Variants in TRAPPC4 observed in about 807,000 individuals in gnomAD.
TRAPPC4 encodes trafficking protein particle complex subunit 4.
TRAPPC4 carries 30 observed loss-of-function variants against 23.5 expected under a neutral mutation model. That is an observed-to-expected ratio of 1.28 (90% CI 0.96 to 1.73). The LOEUF (loss-of-function observed/expected upper bound fraction) is 1.73, where lower values mean the gene tolerates loss of function less well. TRAPPC4 is among the 40% of genes most tolerant of loss of function. The pLI, the probability that TRAPPC4 is intolerant of heterozygous loss-of-function variation, is 0.00. For synonymous variants in TRAPPC4, 129 were observed against 105.3 expected (o/e 1.23, Z -1.38); for missense variants, 252 against 268.9 (o/e 0.94, Z 0.44).
intron 3 of TRAPPC4, 176 bp downstream of exon 3, chr11:119,020,429 CTTT>C (rs199734981): frequency 5.5e-6 from 2 of 360,428 alleles, no homozygotes; most frequent in African/African-American, 2.5e-5. Flanking sequence ...TGGCACAATT[CTTT>C]TTTTTTTTGA....
chr11:119,023,231 T>TA (rs1377801361), intron 4 of TRAPPC4, 90 bp from the exon 5 acceptor site: 1 of 1,241,262 alleles, frequency 8.1e-7, no homozygotes, highest in Non-Finnish European at 1.2e-6. Flanking sequence ...TTCCATGATA[T>TA]ATGTTGTTCT....
At chr11:119,021,485 T>C (rs1374375683) in intron 3 of TRAPPC4, 4 of 290,150 alleles carry the variant, frequency 1.4e-5, no homozygotes, top group African/African-American at 6.5e-5. Context: ...CCTGGCAATG[T>C]TTCTGCTGAG....
rs1943451717 is a variant in TRAPPC4 at position 119,023,382 on chromosome 11, T to G, written c.643T>G (p.Phe215Val). The change falls in exon 5 of 5, where the codon TTT (phenylalanine) becomes GTT (valine). Residue 215 changes from phenylalanine (F) to valine (V), a missense_variant. Physicochemically the swap from Phe to Val is conservative, Grantham distance 50 (BLOSUM62 -1). Coordinates refer to ENST00000533632, the MANE Select transcript of TRAPPC4 (RefSeq NM_016146.6). Reference sequence around the variant, plus strand: ...GGAGGTGGCAGAGAAGGCTGGAACTTTTGGACCTGGGTCATAGGCTGAACC... The same window carrying G: ...GGAGGTGGCAGAGAAGGCTGGAACTGTTGGACCTGGGTCATAGGCTGAACC... ...ALEVAEKAGT[F>V]GPGS 2 of 1,614,074 alleles carry G rather than the reference T, an allele frequency of 1.2e-6. No individual in the cohort carries two copies. The highest frequency in any genetic ancestry group is 4.5e-5 in the East Asian group (2 of 44,872).
At position 119,023,559 on chromosome 11, in the gene TRAPPC4, C is replaced by T; in HGVS notation, c.*160C>T. 2 of 629,278 alleles carry T rather than the reference C, an allele frequency of 3.2e-6. No homozygotes were observed. Among genetic ancestry groups the T allele is most frequent in the Admixed American group, 5.4e-5 (2 of 36,876 alleles). 39.0% of individuals were successfully genotyped at this position (629,278 alleles called of 1,614,324 possible). ...CTGATTCCTGAGCCTTAACACTGTG[C>T]TCTTTCCTTCTGTATATACCATGGT... On this transcript the variant is annotated 3_prime_UTR_variant, in exon 5 of 5. Transcript: ENST00000533632.
At chr11:119,022,231 G>A (rs922899835) in intron 4 of TRAPPC4, among the ~76,000 whole-genome samples, 2 of 152,144 alleles carry the variant, frequency 1.3e-5, no homozygotes, top group Non-Finnish European at 1.5e-5. Flanking sequence ...TGATCCACCT[G>A]CCTTGGCCTC....
Position 119,023,465 on chromosome 11 carries a change from C to A in TRAPPC4, c.*66C>A. ...CAACAAGAATACTGCTGTTGACACTCCAGTGGAAATCCCAGCAGCCTTGTT... is the reference window on the plus strand; with the variant it reads ...CAACAAGAATACTGCTGTTGACACTACAGTGGAAATCCCAGCAGCCTTGTT... On this transcript the variant is annotated 3_prime_UTR_variant, in exon 5 of 5. Coordinates refer to ENST00000533632, the MANE Select transcript of TRAPPC4 (RefSeq NM_016146.6). The A allele has an allele frequency of 6.7e-7, 1 of 1,485,516 alleles. No individual in the cohort carries two copies. Among genetic ancestry groups the A allele is most frequent in the Non-Finnish European group, 9.4e-7 (1 of 1,064,212 alleles). 92.0% of individuals were successfully genotyped at this position (1,485,516 alleles called of 1,614,324 possible). A position where few individuals can be genotyped will look rare whatever the true frequency, so the allele number is the denominator to read the frequency against.
In TRAPPC4 at chr11:119,019,955, G is replaced by A; in HGVS notation, c.351-195G>A. ...CAAAGTTTTAGATGTAAAATGTCTTGTAACAAAGTATGAATGTAAAATATT... is the reference window on the plus strand; with the variant it reads ...CAAAGTTTTAGATGTAAAATGTCTTATAACAAAGTATGAATGTAAAATATT... On this transcript the variant is annotated intron_variant, in intron 2 of 4. Transcript: ENST00000533632. The A allele has an allele frequency of 7.9e-6, 4 of 509,532 alleles. No individual in the cohort carries two copies. The South Asian group carries it at 1.1e-4, about 14-fold the overall frequency. 31.6% of individuals were successfully genotyped at this position (509,532 alleles called of 1,614,324 possible).
rs527923573 is a variant in TRAPPC4 at position 119,018,986 on chromosome 11, G to C, written c.175+16G>C. On this transcript the variant is annotated intron_variant, in intron 1 of 4. Coordinates refer to ENST00000533632, the MANE Select transcript of TRAPPC4 (RefSeq NM_016146.6). ...GGCATCCGAGGTGGGCTAGGCTCGGGCCCGTGGCGGGTGCGGGGGTGGGAG... is the reference window on the plus strand; with the variant it reads ...GGCATCCGAGGTGGGCTAGGCTCGGCCCCGTGGCGGGTGCGGGGGTGGGAG... 1 of 1,607,880 alleles carries C rather than the reference G, an allele frequency of 6.2e-7. No homozygotes were observed. The highest frequency in any genetic ancestry group is 1.1e-5 in the South Asian group (1 of 91,000).
chr11:119,019,197 C>G lies in TRAPPC4; in HGVS notation c.230C>G (p.Ala77Gly). The change falls in exon 2 of 5, where the codon GCC becomes GGC. Residue 77 changes from alanine to glycine, a missense_variant. Ala to Gly is a moderately conservative substitution (Grantham distance 60, BLOSUM62 0). Transcript: ENST00000533632. ...ATGGACGTGAATGGCAGGTACACGG[C>G]CGACGGGAAAGAGGTGCTGGAGTAT... Reference protein sequence around the residue: ...NGMDVNGRYTADGKEVLEYLG... With the variant: ...NGMDVNGRYTGDGKEVLEYLG... 6.2e-7 allele frequency: 1 copy of G among 1,614,186 alleles called. No homozygotes were observed. The highest frequency in any genetic ancestry group is 8.5e-7 in the Non-Finnish European group (1 of 1,180,030).
chr11:119,020,358 T>C (rs1373040250), intron 3 of TRAPPC4, 105 bp downstream of exon 3: 2 of 882,014 alleles, frequency 2.3e-6, no homozygotes, highest in Non-Finnish European at 3.6e-6. Context: ...GTGGAGAAGG[T>C]GGGAGGAGGG....
In TRAPPC4 at chr11:119,023,229, T is replaced by C. The variant is rs1021283695; in HGVS notation, c.582-92T>C. ...ATCCGCCCACCTCAGCCTTCCATGA[T>C]ATATGTTGTTCTTCAAGCAGTTTCC... On this transcript the variant is annotated intron_variant, in intron 4 of 4. Transcript: ENST00000533632. 4.1e-5 allele frequency: 49 copies of C among 1,208,138 alleles called. 1 individual carries two copies. Among genetic ancestry groups the C allele is most frequent in the Non-Finnish European group, 5.9e-5 (48 of 817,418 alleles). 74.8% of individuals were successfully genotyped at this position (1,208,138 alleles called of 1,614,324 possible).
chr11:119,023,105 C>T (rs1034653309), intron 4 of TRAPPC4: 2 of 403,732 alleles, frequency 5.0e-6, no homozygotes, highest in African/African-American at 4.0e-5. Flanking sequence ...GCTGGGATTA[C>T]AGGCACCTGC....
rs1405281359 is a variant in TRAPPC4, at chr11:119,019,147, TCATGCAGTGCTGGC to T, written c.184_197del (p.Ala62GlnfsTer22). On this transcript the variant is annotated frameshift_variant, in exon 2 of 5. Coordinates refer to ENST00000533632, the MANE Select transcript of TRAPPC4 (RefSeq NM_016146.6). LOFTEE classifies it high-confidence loss of function. The stretch of plus-strand genomic sequence containing the variant: ...CCGTTAGCTTCACCTCTGCAGTGGG[TCATGCAGTGCTGGC>T]CATCAATGGCATGGACGTGAATGGC... 6.2e-7 allele frequency: 1 copy of T among 1,614,008 alleles called. No homozygotes were observed. Among genetic ancestry groups the T allele is most frequent in the East Asian group, 2.2e-5 (1 of 44,884 alleles).
chr11:119,020,407 G>C (rs375969439), intron 3 of TRAPPC4, 154 bp downstream of exon 3: 3 of 598,464 alleles, frequency 5.0e-6, no homozygotes, highest in Admixed American at 2.8e-5. Flanking sequence ...AGAAGAGGGG[G>C]TGTGCTTTTC....
At position 119,020,149 on chromosome 11, in the gene TRAPPC4, G is replaced by A. The variant is rs1943309644; in HGVS notation, c.351-1G>A. ...AGCAACTTTGCCTCCTTTGCATATAGGCTCTTTGCCATCGGCTCCCAGCTG... is the reference window on the plus strand; with the variant it reads ...AGCAACTTTGCCTCCTTTGCATATAAGCTCTTTGCCATCGGCTCCCAGCTG... On this transcript the variant is annotated splice_acceptor_variant, in intron 2 of 4. Coordinates refer to ENST00000533632, the MANE Select transcript of TRAPPC4 (RefSeq NM_016146.6). LOFTEE classifies it high-confidence loss of function. 3.1e-6 allele frequency: 5 copies of A among 1,613,078 alleles called. No homozygotes were observed. Among genetic ancestry groups the A allele is most frequent in the Non-Finnish European group, 4.2e-6 (5 of 1,179,456 alleles).
At chr11:119,019,575 G>A (rs1943280199) in intron 2 of TRAPPC4, 1 of 426,962 alleles carries the variant, frequency 2.3e-6, no homozygotes, top group African/African-American at 2.1e-5. Flanking sequence ...CCGAGTAGCT[G>A]GGATTACAGG....
chr11:119,023,231 T>G, intron 4 of TRAPPC4, 90 bp from the exon 5 acceptor site: 1 of 1,241,380 alleles, frequency 8.1e-7, no homozygotes, highest in Non-Finnish European at 1.2e-6. Flanking sequence ...TTCCATGATA[T>G]ATGTTGTTCT....
At chr11:119,023,174 A>T in intron 4 of TRAPPC4, 147 bp from the exon 5 acceptor site, 2 of 688,030 alleles carry the variant, frequency 2.9e-6, no homozygotes, top group East Asian at 5.3e-5. Context: ...CATATTGGCC[A>T]GGCTAGTCTC....
In TRAPPC4 at chr11:119,020,231, G is replaced by GC; in HGVS notation, c.433dup (p.His145ProfsTer18). 5 of 1,613,474 alleles carry GC rather than the reference G, an allele frequency of 3.1e-6. No homozygotes were observed. The highest frequency in any genetic ancestry group is 4.2e-6 in the Non-Finnish European group (5 of 1,179,878). ...TGCTGGAGACAGACACATTCAAATTGCACTGCTACCAGACACTGACAGGTA... is the reference window on the plus strand; with the variant it reads ...TGCTGGAGACAGACACATTCAAATTGCCACTGCTACCAGACACTGACAGGTA... On this transcript the variant is annotated frameshift_variant, in exon 3 of 5. Transcript: ENST00000533632. LOFTEE classifies it high-confidence loss of function.
Sources: gnomAD v4.1 joint callset for allele counts (sites outside exome capture counted in the v4.1 genomes callset) on GRCh38, gnomAD v4.1.1 for gene constraint, MANE v1.5 for transcripts, NCBI Gene and HGNC (gene_info 2026-07-23, HGNC 2026-07-21) for gene names.